Variants in TERT observed in about 807,000 individuals in gnomAD.
The protein encoded by TERT is telomerase catalytic subunit.
Under a neutral mutation model 104.0 loss-of-function variants are expected in TERT, and 42 were observed. That is an observed-to-expected ratio of 0.40 (90% confidence interval 0.32 to 0.52). The LOEUF (loss-of-function observed/expected upper bound fraction) is 0.52. TERT is among the 20% of genes least tolerant of loss of function. TERT has a pLI of 0.43. For missense variants in TERT, 1,101 were observed against 1,610.3 expected, an observed-to-expected ratio of 0.68 and a Z score of 5.41; for synonymous variants, 781 against 725.6, an observed-to-expected ratio of 1.08 and a Z score of -1.23.
chr5:1,280,891 G>C (rs1040467315), intron 3 of TERT, among the ~76,000 whole-genome samples: 1 of 152,240 alleles, frequency 6.6e-6, no homozygotes, highest in Non-Finnish European at 1.5e-5. Context: ...ATGGGGGCAC[G>C]GGGGCTGGAG....
Position 1,293,896 on chromosome 5 carries a change from G to A in TERT, c.990C>T (p.His330=). The A allele has an allele frequency of 6.5e-7, 1 of 1,542,856 alleles. No homozygotes were observed. Among genetic ancestry groups the A allele is most frequent in the African/African-American group, 1.4e-5 (1 of 73,170 alleles). The change falls in exon 2 of 16, where the codon CAC becomes CAT. Residue 330 remains histidine, a synonymous_variant. Transcript: ENST00000310581. Reference sequence around the variant, plus strand: ...CCTTGTCGCCTGAGGAGTAGAGGAAGTGCTTGGTCTCGGCGTACACCGGGG... The same window carrying A: ...CCTTGTCGCCTGAGGAGTAGAGGAAATGCTTGGTCTCGGCGTACACCGGGG... ...PCPPVYAETK[H]FLYSSGDKEQ... is the part of the protein sequence containing the mutation.
chr5:1,271,301 T>C, intron 7 of TERT, 97 bp from the exon 8 acceptor site: 1 of 869,224 alleles, frequency 1.2e-6, no homozygotes, highest in East Asian at 2.6e-5. Flanking sequence ...TTGGGGTCAG[T>C]GTTTGTGATG....
In TERT at chr5:1,292,725, C is replaced by T. The variant is rs113461338; in HGVS notation, c.1573+588G>A. ...ATAGGGTTTCACCATGTTGGTCAGG[C>T]TGGTCTCAAACTCCTGACCTCAGGT... On this transcript the variant is annotated intron_variant, in intron 2 of 15. Transcript: ENST00000310581. This position sits in a 1 kb window ranked among gnomAD's most constrained non-coding sequence, Gnocchi z 5.5. Among the ~76,000 whole-genome samples, 1 of 152,158 alleles carries T rather than the reference C, an allele frequency of 6.6e-6. No individual in the cohort carries two copies. Among genetic ancestry groups the T allele is most frequent in the Non-Finnish European group, 1.5e-5 (1 of 68,030 alleles).
intron 7 of TERT, 31 bp downstream of exon 7, chr5:1,272,154 C>T (rs772712433): frequency 6.6e-5 from 103 of 1,555,144 alleles, no homozygotes; most frequent in Non-Finnish European, 7.6e-5. Flanking sequence ...GCTGGGAGTC[C>T]GTGCCCAACC....
rs571168228 is a variant in TERT at position 1,269,986 on chromosome 5, C to T, written c.2468+1133G>A. On this transcript the variant is annotated intron_variant, in intron 8 of 15. Coordinates refer to ENST00000310581, the MANE Select transcript of TERT (RefSeq NM_198253.3). This position sits in a 1 kb window ranked among gnomAD's most constrained non-coding sequence, Gnocchi z 9.0. ...TCCCCAAAGCCCTGCCACACGTGGA[C>T]GGTACGTGACTTGATCCATCTTAAT... Among the ~76,000 whole-genome samples the T allele has an allele frequency of 6.6e-5, 10 of 152,232 alleles. No homozygotes were observed. The highest frequency in any genetic ancestry group is 2.1e-4 in the South Asian group (1 of 4,818).
In TERT at chr5:1,255,581, T is replaced by C. The variant is rs189962348; in HGVS notation, c.3033-170A>G. 4.7e-4 allele frequency among the ~76,000 whole-genome samples: 72 copies of C among 152,348 alleles called. No individual in the cohort carries two copies. Among genetic ancestry groups the C allele is most frequent in the Non-Finnish European group, 8.8e-4 (60 of 68,026 alleles). Reference sequence around the variant, plus strand: ...ATGCATGCATGCATGTCTGTGTGTGTGCTTGTGTGTGCGAGTAGCTGCGTG... The same window carrying C: ...ATGCATGCATGCATGTCTGTGTGTGCGCTTGTGTGTGCGAGTAGCTGCGTG... On this transcript the variant is annotated intron_variant, in intron 13 of 15. Coordinates refer to ENST00000310581, the MANE Select transcript of TERT (RefSeq NM_198253.3). This position sits in a 1 kb window ranked among gnomAD's most constrained non-coding sequence, Gnocchi z 6.9.
intron 1 of TERT, 50 bp downstream of exon 1, chr5:1,294,721 C>T (rs758429201): frequency 3.2e-6 from 5 of 1,570,872 alleles, no homozygotes; most frequent in African/African-American, 1.3e-5. Context: ...TCGCTGGTTC[C>T]CCCCGGCCGC....
Position 1,269,999 on chromosome 5 carries a change from G to A in TERT, c.2468+1120C>T, listed in dbSNP as rs535286225. On this transcript the variant is annotated intron_variant, in intron 8 of 15. Transcript: ENST00000310581. This position sits in a 1 kb window ranked among gnomAD's most constrained non-coding sequence, Gnocchi z 9.0. Reference sequence around the variant, plus strand: ...GCCACACGTGGACGGTACGTGACTTGATCCATCTTAATAAAATTCACGACC... The same window carrying A: ...GCCACACGTGGACGGTACGTGACTTAATCCATCTTAATAAAATTCACGACC... 1.3e-4 allele frequency among the ~76,000 whole-genome samples: 20 copies of A among 152,240 alleles called. No individual in the cohort carries two copies. The highest frequency in any genetic ancestry group is 3.4e-4 in the African/African-American group (14 of 41,540).
At chr5:1,254,707 T>C (rs1472620223) in intron 14 of TERT, among the ~76,000 whole-genome samples, 2 of 152,162 alleles carry the variant, frequency 1.3e-5, no homozygotes, top group African/African-American at 4.8e-5. Flanking sequence ...GAACAGAAAG[T>C]AGAAGCTGTT....
Position 1,269,199 on chromosome 5 carries a change from C to A in TERT, c.2469-566G>T, listed in dbSNP as rs998581371. ...CACAGAAGGCATGGCTGCCACGCGA[C>A]CCTCAGCCATCCCCAGAGCCCACAG... On this transcript the variant is annotated intron_variant, in intron 8 of 15. Coordinates refer to ENST00000310581, the MANE Select transcript of TERT (RefSeq NM_198253.3). The surrounding 1 kb of genome is among the most constrained non-coding windows in gnomAD (Gnocchi z 9.0). Among the ~76,000 whole-genome samples the A allele has an allele frequency of 1.3e-5, 2 of 152,306 alleles. No individual in the cohort carries two copies. The highest frequency in any genetic ancestry group is 2.1e-4 in the South Asian group (1 of 4,816).
At position 1,266,492 on chromosome 5, in the gene TERT, G is replaced by T. The variant is rs1483412488; in HGVS notation, c.2626C>A (p.His876Asn). 1 of 1,610,586 alleles carries T rather than the reference G, an allele frequency of 6.2e-7. No individual in the cohort carries two copies. Among genetic ancestry groups the T allele is most frequent in the Admixed American group, 1.7e-5 (1 of 59,636 alleles). The stretch of plus-strand genomic sequence containing the variant: ...AGGAAGGTTTTCGCGTGGGTGAGGT[G>T]AGGTGTCACCAACAAGAAATCATCC... Reference protein sequence around the residue: ...LVDDFLLVTPHLTHAKTFLRT... With the variant: ...LVDDFLLVTPNLTHAKTFLRT... The change falls in exon 10 of 16, where the codon CAC (histidine) becomes AAC (asparagine). Residue 876 changes from histidine (H) to asparagine (N), a missense_variant. By Grantham distance (68) the His-to-Asn change is moderately conservative (BLOSUM62 1). Coordinates refer to ENST00000310581, the MANE Select transcript of TERT (RefSeq NM_198253.3).
In TERT at chr5:1,293,930, G is replaced by A. The variant is rs1213662764; in HGVS notation, c.956C>T (p.Thr319Met). ...STSRPPRPWD[T>M]PCPPVYAETK... is the part of the protein sequence containing the mutation. ...CTCGGCGTACACCGGGGGACAAGGC[G>A]TGTCCCAGGGACGTGGTGGCCGCGA... Residue 319 changes from threonine (T) to methionine (M), a missense_variant, in exon 2 of 16, where the codon ACG becomes ATG. By Grantham distance (81) the Thr-to-Met change is moderately conservative. Coordinates refer to ENST00000310581, the MANE Select transcript of TERT (RefSeq NM_198253.3). 3.9e-6 allele frequency: 6 copies of A among 1,543,616 alleles called. No homozygotes were observed. The highest frequency in any genetic ancestry group is 3.5e-6 in the Non-Finnish European group (4 of 1,147,738).
At chr5:1,282,658 C>T (rs1750111273) in intron 2 of TERT, 34 bp from the exon 3 acceptor site, 1 of 1,611,052 alleles carries the variant, frequency 6.2e-7, no homozygotes, top group Non-Finnish European at 8.5e-7. Context: ...ATCCAGATCA[C>T]CGAGGGCCTG....
chr5:1,275,561 A>C (rs899448284), intron 6 of TERT, among the ~76,000 whole-genome samples: 1 of 152,010 alleles, frequency 6.6e-6, no homozygotes, highest in African/African-American at 2.4e-5. Context: ...GAAACAGAAC[A>C]GGGAGCCCAG....
rs1747659972 is a variant in TERT, at chr5:1,255,484, C to T, written c.3033-73G>A. ...GGTGCTCGTGGGTGTGGGCATGGGC[C>T]CACCGGTGCCTGTGTGCGTGCATGA... On this transcript the variant is annotated intron_variant, in intron 13 of 15. Coordinates refer to ENST00000310581, the MANE Select transcript of TERT (RefSeq NM_198253.3). The surrounding 1 kb of genome is among the most constrained non-coding windows in gnomAD (Gnocchi z 6.9). 1.2e-6 allele frequency: 2 copies of T among 1,600,702 alleles called. No homozygotes were observed. Among genetic ancestry groups the T allele is most frequent in the Admixed American group, 3.3e-5 (2 of 59,720 alleles).
chr5:1,290,420 G>C (rs377445880), intron 2 of TERT, among the ~76,000 whole-genome samples: 588 of 9,934 alleles, frequency 0.059, no homozygotes, highest in Middle Eastern at 0.1. Context: ...ACAGGGACAC[G>C]CGGGGACGGC....
At position 1,289,189 on chromosome 5, in the gene TERT, G is replaced by A. The variant is rs565314492; in HGVS notation, c.1573+4124C>T. 6.8e-5 allele frequency among the ~76,000 whole-genome samples: 10 copies of A among 148,086 alleles called. No individual in the cohort carries two copies. The East Asian group carries it at 1.6e-3, about 24-fold the overall frequency. Reference sequence around the variant, plus strand: ...GGGCCGCAACTCACTCACCCTACACGTGACAGGGACACCCGGGGACGGCGC... The same window carrying A: ...GGGCCGCAACTCACTCACCCTACACATGACAGGGACACCCGGGGACGGCGC... On this transcript the variant is annotated intron_variant, in intron 2 of 15. Coordinates refer to ENST00000310581, the MANE Select transcript of TERT (RefSeq NM_198253.3).
rs1750562743 is a variant in TERT, at chr5:1,287,481, G to C, written c.1574-4857C>G. ...ACCACTGCACTCACCCTGGGCGACA[G>C]ACCAAGACTCTGTCTCAAAAAAAAA... On this transcript the variant is annotated intron_variant, in intron 2 of 15. Transcript: ENST00000310581. The surrounding 1 kb of genome is among the most constrained non-coding windows in gnomAD (Gnocchi z 4.3). 7.7e-6 allele frequency among the ~76,000 whole-genome samples: 1 copy of C among 130,128 alleles called. No homozygotes were observed. Among genetic ancestry groups the C allele is most frequent in the South Asian group, 2.6e-4 (1 of 3,826 alleles). The allele number at this position is 130,128 out of a possible 152,430, so 85.4% of individuals were successfully genotyped here. A position where few individuals can be genotyped will look rare whatever the true frequency, so the allele number is the denominator to read the frequency against.
chr5:1,279,214 C>T (rs1749830597), intron 5 of TERT, 77 bp downstream of exon 5: 16 of 1,490,040 alleles, frequency 1.1e-5, no homozygotes, highest in Non-Finnish European at 1.5e-5. Flanking sequence ...GTACCTCCTC[C>T]ACCCAACATG....
Sources: allele counts gnomAD v4.1 joint callset (sites outside exome capture counted in the v4.1 genomes callset), GRCh38; gene constraint gnomAD v4.1.1; non-coding constraint Gnocchi (gnomAD v3.1); transcripts MANE v1.5; gene names NCBI Gene and HGNC (gene_info 2026-07-23, HGNC 2026-07-21).